IL23R: variants seen among roughly 807,000 people sequenced by gnomAD.
The protein encoded by IL23R is interleukin 23 receptor.
IL23R carries 34 observed loss-of-function variants against 56.9 expected under a neutral mutation model. That is an observed-to-expected ratio of 0.60 (90% CI 0.45 to 0.80). IL23R has a LOEUF of 0.80. Ranked by LOEUF, IL23R falls within the 30% of genes least tolerant of loss-of-function variation. The pLI is 0.00. For synonymous variants in IL23R, 230 were observed against 249.2 expected, an observed-to-expected ratio of 0.92 and a Z score of 0.73; for missense variants, 635 against 730.0, an observed-to-expected ratio of 0.87 and a Z score of 1.50.
rs577515541 is a variant in IL23R, at chr1:67,211,052, C to A, written c.798+3997C>A. The stretch of plus-strand genomic sequence containing the variant: ...TTACTCATTAAAAGTAAATTCCTTA[C>A]GTCAACTTGTTTACCTTTGTTCACT... On this transcript the variant is annotated intron_variant, in intron 6 of 10. Coordinates refer to ENST00000347310, the MANE Select transcript of IL23R (RefSeq NM_144701.3). Among the ~76,000 whole-genome samples the A allele has an allele frequency of 2.0e-5, 3 of 152,106 alleles. No individual in the cohort carries two copies. In the South Asian group the frequency reaches 6.2e-4, roughly 31 times the overall value.
intron 7 of IL23R, among the ~76,000 whole-genome samples, chr1:67,221,355 A>G (rs1650240621): frequency 6.6e-6 from 1 of 152,220 alleles, no homozygotes; most frequent in African/African-American, 2.4e-5. Context: ...CTCCTAAAAG[A>G]GACACAAAAC....
At chr1:67,210,200 G>T (rs74080190) in intron 6 of IL23R, among the ~76,000 whole-genome samples, 8,929 of 152,146 alleles carry the variant, frequency 0.059, 878 homozygotes, top group African/African-American at 0.2. Context: ...AAATGCCAAG[G>T]TTAAATTATC....
At chr1:67,154,020 G>A (rs1197658490) in intron 1 of IL23R, among the ~76,000 whole-genome samples, 7 of 152,146 alleles carry the variant, frequency 4.6e-5, no homozygotes, top group African/African-American at 1.2e-4. Context: ...TGCCCGCTTC[G>A]TTCTCCCAAA....
intron 7 of IL23R, among the ~76,000 whole-genome samples, chr1:67,229,963 CT>C (rs1471652767): frequency 1.3e-5 from 2 of 152,176 alleles, no homozygotes; most frequent in East Asian, 3.8e-4. Context: ...AGAAAGGTAG[CT>C]GAAAATCAGT....
chr1:67,157,121 C>T (rs532546315), intron 1 of IL23R, among the ~76,000 whole-genome samples: 1 of 152,118 alleles, frequency 6.6e-6, no homozygotes, highest in Admixed American at 6.5e-5. Context: ...CTCCATGGGT[C>T]GCACCCACTG....
At chr1:67,171,398 G>T (rs1646942262) in intron 3 of IL23R, among the ~76,000 whole-genome samples, 1 of 152,146 alleles carries the variant, frequency 6.6e-6, no homozygotes, top group African/African-American at 2.4e-5. Flanking sequence ...TGTCCTGGAG[G>T]TGTTTAAGTT....
intron 4 of IL23R, among the ~76,000 whole-genome samples, chr1:67,186,918 G>A (rs1463255425): frequency 6.6e-6 from 1 of 152,032 alleles, no homozygotes; most frequent in Non-Finnish European, 1.5e-5. Context: ...AACGCGCCTG[G>A]CCCTTTATTC....
rs772901651 is a variant in IL23R, at chr1:67,258,638, C to T, written c.1400C>T (p.Ser467Leu). The change falls in exon 11 of 11, where the codon TCG (serine) becomes TTG (leucine). Residue 467 changes from serine to leucine, a missense_variant. Ser to Leu is a moderately radical substitution (Grantham distance 145). Coordinates refer to ENST00000347310, the MANE Select transcript of IL23R (RefSeq NM_144701.3). The stretch of plus-strand genomic sequence containing the variant: ...GAGACAAGAGACTACCCGCAAAACT[C>T]GCTATTCGACAATACTACAGTTGTA... ...PLETRDYPQNSLFDNTTVVYI... is the reference protein window; with the variant it reads ...PLETRDYPQNLLFDNTTVVYI... 3.2e-5 allele frequency: 52 copies of T among 1,613,746 alleles called. No individual in the cohort carries two copies. The highest frequency in any genetic ancestry group is 4.0e-5 in the African/African-American group (3 of 74,884).
the IL23R span, among the ~76,000 whole-genome samples, chr1:67,265,614 A>G: frequency 0.014 from 2,119 of 152,312 alleles, 45 homozygotes; most frequent in African/African-American, 0.048. Flanking sequence ...TTTCACTAGT[A>G]CACCTATTCC....
At chr1:67,168,020 G>T in intron 1 of IL23R, 72 bp from the exon 2 acceptor site, 3 of 851,184 alleles carry the variant, frequency 3.5e-6, no homozygotes, top group South Asian at 1.5e-5. Flanking sequence ...TAATTCTTAG[G>T]GAAAAATGTT....
rs11807977 is a variant in IL23R, at chr1:67,251,219, G to A, written c.1149-4618G>A. Among the ~76,000 whole-genome samples the A allele has an allele frequency of 7.8e-3, 1,191 of 152,258 alleles. 18 individuals carry two copies. Among genetic ancestry groups the A allele is most frequent in the African/African-American group, 0.027 (1,124 of 41,556 alleles). Reference sequence around the variant, plus strand: ...TGTAATTCCAGCACTTTGGGAGGCCGAGCTAGGCAGATCACGAGGTCAGCA... The same window carrying A: ...TGTAATTCCAGCACTTTGGGAGGCCAAGCTAGGCAGATCACGAGGTCAGCA... On this transcript the variant is annotated intron_variant, in intron 9 of 10. Transcript: ENST00000347310.
intron 3 of IL23R, among the ~76,000 whole-genome samples, chr1:67,170,019 G>C (rs2102556993): frequency 6.6e-6 from 1 of 152,254 alleles, no homozygotes; most frequent in African/African-American, 2.4e-5. Flanking sequence ...TTAAAATGTT[G>C]CTCTTTTAAT....
In IL23R at chr1:67,219,682, T is replaced by G; in HGVS notation, c.907T>G (p.Tyr303Asp). 1 of 1,614,090 alleles carries G rather than the reference T, an allele frequency of 6.2e-7. No individual in the cohort carries two copies. The highest frequency in any genetic ancestry group is 8.5e-7 in the Non-Finnish European group (1 of 1,179,942). Residue 303 changes from tyrosine (Y) to aspartate (D), a missense_variant, in exon 7 of 11, where the codon TAC (tyrosine) becomes GAC (aspartate). Physicochemically the swap from Tyr to Asp is radical, Grantham distance 160 (BLOSUM62 -3). Coordinates refer to ENST00000347310, the MANE Select transcript of IL23R (RefSeq NM_144701.3). ...GAGATGTCAAGAAACAGGCAAAAGG[T>G]ACTGGCAGCCTTGGAGTTCACTGTT... ...QVRCQETGKR[Y>D]WQPWSSLFFH...
intron 4 of IL23R, among the ~76,000 whole-genome samples, chr1:67,193,033 C>G (rs1219485170): frequency 6.6e-6 from 1 of 152,158 alleles, no homozygotes; most frequent in African/African-American, 2.4e-5. Context: ...CCAAAACTCT[C>G]TGATTTTGTC....
At chr1:67,257,116 A>T (rs979119529) in intron 10 of IL23R, among the ~76,000 whole-genome samples, 1 of 152,128 alleles carries the variant, frequency 6.6e-6, no homozygotes, top group Non-Finnish European at 1.5e-5. Flanking sequence ...TTTATTCAAG[A>T]TCTCCTTCTT....
chr1:67,167,464 T>C (rs1413261379), intron 1 of IL23R, among the ~76,000 whole-genome samples: 1 of 152,192 alleles, frequency 6.6e-6, no homozygotes, highest in Non-Finnish European at 1.5e-5. Flanking sequence ...TCTCTGGGAG[T>C]TCTGAAATTT....
At chr1:67,176,820 G>A (rs970675626) in intron 3 of IL23R, among the ~76,000 whole-genome samples, 24 of 152,020 alleles carry the variant, frequency 1.6e-4, no homozygotes, top group Non-Finnish European at 3.5e-4. Flanking sequence ...GGTGTGTGAT[G>A]TTCCCCTTCC....
intron 4 of IL23R, among the ~76,000 whole-genome samples, chr1:67,187,640 T>A (rs1220375326): frequency 6.6e-6 from 1 of 152,226 alleles, no homozygotes; most frequent in African/African-American, 2.4e-5. Context: ...CTGAAAGTAT[T>A]AAGAATGAGT....
upstream of IL23R, among the ~76,000 whole-genome samples, chr1:67,161,828 A>G (rs1181087613): frequency 6.6e-6 from 1 of 151,820 alleles, no homozygotes; most frequent in Non-Finnish European, 1.5e-5. Context: ...GAGTTTCACC[A>G]TGTTGGCCAG....
Sources: gnomAD v4.1 joint callset for allele counts (sites outside exome capture counted in the v4.1 genomes callset) on GRCh38, gnomAD v4.1.1 for gene constraint, MANE v1.5 for transcripts, NCBI Gene and HGNC (gene_info 2026-07-23, HGNC 2026-07-21) for gene names.